The following CLIC5 variants were observed in gnomAD, a reference collection of about 807,000 sequenced individuals.
The protein encoded by CLIC5 is CLIC family member 5, also known as chloride intracellular channel protein 5.
CLIC5 carries 20 observed loss-of-function variants against 24.7 expected under a neutral mutation model. That is an observed-to-expected ratio of 0.81 (90% CI 0.57 to 1.18). CLIC5 has a LOEUF of 1.18. Ranked by LOEUF, CLIC5 falls within the 50% of genes most tolerant of loss-of-function variation. CLIC5 has a pLI of 0.00. For synonymous variants in CLIC5, 159 were observed against 135.6 expected (o/e 1.17, Z -1.20); for missense variants, 341 against 326.1 (o/e 1.05, Z -0.35).
At chr6:45,918,746 G>T (rs1193549682) in intron 4 of CLIC5, among the ~76,000 whole-genome samples, 3 of 152,230 alleles carry the variant, frequency 2.0e-5, no homozygotes, top group African/African-American at 7.2e-5. Context: ...AGTACCCTCT[G>T]CCCTATCTTG....
At chr6:46,051,361 C>G (rs1331272526) in intron 1 of CLIC5, among the ~76,000 whole-genome samples, 1 of 152,210 alleles carries the variant, frequency 6.6e-6, no homozygotes, top group East Asian at 1.9e-4. Flanking sequence ...GGGCCAGTTT[C>G]TATGCATCTA....
chr6:45,942,193 T>C (rs1046478122), intron 3 of CLIC5, among the ~76,000 whole-genome samples: 1 of 152,204 alleles, frequency 6.6e-6, no homozygotes, highest in African/African-American at 2.4e-5. Flanking sequence ...ACATGCTTAT[T>C]ATTTGTGTGC....
chr6:45,908,721 G>A (rs1160548111), intron 5 of CLIC5, among the ~76,000 whole-genome samples: 2 of 152,154 alleles, frequency 1.3e-5, no homozygotes, highest in African/African-American at 4.8e-5. Context: ...TATGTTCTGT[G>A]TGCAGATGAA....
intron 1 of CLIC5, among the ~76,000 whole-genome samples, chr6:45,976,030 G>C (rs1765373753): frequency 6.6e-6 from 1 of 152,128 alleles, no homozygotes; most frequent in South Asian, 2.1e-4. Context: ...TAAGAAGTGG[G>C]GGCTGCTCAT....
At chr6:46,061,980 A>G (rs191239808) in intron 1 of CLIC5, among the ~76,000 whole-genome samples, 147 of 152,348 alleles carry the variant, frequency 9.6e-4, no homozygotes, top group African/African-American at 3.4e-3. Context: ...ACTGTCCTAC[A>G]GAATGTTCTG....
At chr6:46,045,649 A>G (rs9367231) in intron 1 of CLIC5, among the ~76,000 whole-genome samples, 87,896 of 152,056 alleles carry the variant, frequency 0.58, 25,667 homozygotes, top group Admixed American at 0.69. Context: ...ATAAGAAAGC[A>G]GTAAGCCAGA....
At chr6:46,085,970 C>T in the CLIC5 span, among the ~76,000 whole-genome samples, 2 of 152,216 alleles carry the variant, frequency 1.3e-5, no homozygotes, top group South Asian at 2.1e-4. Context: ...CCCCCAGCCT[C>T]GCTGCTGCCT....
the CLIC5 span, among the ~76,000 whole-genome samples, chr6:46,128,287 G>T: frequency 6.6e-6 from 1 of 152,116 alleles, no homozygotes; most frequent in South Asian, 2.1e-4. Flanking sequence ...CTCTCCTGAT[G>T]CCCATCCAGC....
chr6:45,974,518 TATATAGAGAGAGAGAGAGAGAGAG>T (rs1765318193), intron 1 of CLIC5, among the ~76,000 whole-genome samples: 2 of 84,138 alleles, frequency 2.4e-5, no homozygotes, highest in Non-Finnish European at 4.5e-5. Context: ...TATATATATA[TATATAGAGAGAGAGAGAGAGAGAG>T]AGAGAGAGAG....
In CLIC5 at chr6:45,903,257, T is replaced by C. The variant is rs969178808; in HGVS notation, c.589-2A>G. On this transcript the variant is annotated splice_acceptor_variant, in intron 5 of 5. Transcript: ENST00000339561. LOFTEE classifies it high-confidence loss of function. ...GTTGCGGTATTTCTTGGCCACAATC[T>C]AAAACAGAGATGGCAGGACAGAGGT... 3.2e-6 allele frequency: 5 copies of C among 1,565,830 alleles called. No individual in the cohort carries two copies. The highest frequency in any genetic ancestry group is 4.3e-6 in the Non-Finnish European group (5 of 1,156,176).
At chr6:46,092,737 A>G in the CLIC5 span, among the ~76,000 whole-genome samples, 26 of 152,162 alleles carry the variant, frequency 1.7e-4, 1 homozygote, top group African/African-American at 6.3e-4. Flanking sequence ...TGACTTTACT[A>G]TATCTTGTTG....
At chr6:46,077,402 A>T (rs1762802010) in intron 1 of CLIC5, among the ~76,000 whole-genome samples, 1 of 152,070 alleles carries the variant, frequency 6.6e-6, no homozygotes, top group Non-Finnish European at 1.5e-5. Flanking sequence ...GAAAAGCCGT[A>T]AGCCCTACTA....
intron 4 of CLIC5, among the ~76,000 whole-genome samples, chr6:45,914,887 G>A (rs1353046215): frequency 2.0e-5 from 3 of 151,806 alleles, no homozygotes; most frequent in African/African-American, 7.3e-5. Context: ...GGAGGCAGAG[G>A]TTGCAGTAAG....
intron 1 of CLIC5, among the ~76,000 whole-genome samples, chr6:45,987,120 C>G (rs928111615): frequency 1.3e-4 from 20 of 152,146 alleles, no homozygotes; most frequent in African/African-American, 4.8e-4. Context: ...GGACTTAACC[C>G]AAGCATTTGA....
At chr6:45,881,116 T>C in exon 7 of CLIC5, 1 of 398,446 alleles carries the variant, frequency 2.5e-6, no homozygotes. Flanking sequence ...TTCTTCTTTC[T>C]CTAGCTTCTC....
At chr6:45,903,617 T>A (rs1208673575) in intron 5 of CLIC5, among the ~76,000 whole-genome samples, 1 of 152,142 alleles carries the variant, frequency 6.6e-6, no homozygotes, top group African/African-American at 2.4e-5. Context: ...AATACATACA[T>A]TATCTTACAC....
chr6:46,078,502 CCTT>C (rs1762833204), intron 1 of CLIC5, among the ~76,000 whole-genome samples: 1 of 152,180 alleles, frequency 6.6e-6, no homozygotes, highest in Non-Finnish European at 1.5e-5. Context: ...TCTCAGCACT[CCTT>C]CTCTGAACAC....
At chr6:46,051,101 C>T (rs955313840) in intron 1 of CLIC5, among the ~76,000 whole-genome samples, 3 of 152,184 alleles carry the variant, frequency 2.0e-5, no homozygotes, top group Non-Finnish European at 2.9e-5. Flanking sequence ...TAGAACATAA[C>T]TGAACAACCC....
chr6:45,958,655 A>G (rs768369673), intron 1 of CLIC5, among the ~76,000 whole-genome samples: 43 of 151,558 alleles, frequency 2.8e-4, no homozygotes, highest in Non-Finnish European at 5.9e-5. Context: ...ATGTAATTAT[A>G]TAGGCTGTAT....
Sources: allele counts gnomAD v4.1 joint callset (sites outside exome capture counted in the v4.1 genomes callset), GRCh38; gene constraint gnomAD v4.1.1; transcripts MANE v1.5; gene names NCBI Gene and HGNC (gene_info 2026-07-23, HGNC 2026-07-21).